COLGALT1: variants seen among roughly 807,000 people sequenced by gnomAD.
COLGALT1 encodes the protein collagen beta(1-O)galactosyltransferase 1.
Under a neutral mutation model 60.8 loss-of-function variants are expected in COLGALT1, and 43 were observed. The observed-to-expected ratio is 0.71, with a 90% CI of 0.55 to 0.91. The LOEUF is 0.91. Among genes scored for constraint, COLGALT1 ranks in the 40% least tolerant of loss-of-function variants. COLGALT1 has a pLI of 0.00. For missense variants in COLGALT1, 845 were observed against 880.0 expected, an observed-to-expected ratio of 0.96 and a Z score of 0.50; for synonymous variants, 369 against 374.2, an observed-to-expected ratio of 0.99 and a Z score of 0.16.
intron 6 of COLGALT1, among the ~76,000 whole-genome samples, chr19:17,573,619 G>C (rs1260626120): frequency 6.6e-6 from 1 of 151,992 alleles, no homozygotes; most frequent in Non-Finnish European, 1.5e-5. Context: ...AATCCTTTGA[G>C]CCCAGGAGTT....
In COLGALT1 at chr19:17,581,522, C is replaced by T. The variant is rs2076382781; in HGVS notation, c.*78C>T. 2 of 1,509,444 alleles carry T rather than the reference C, an allele frequency of 1.3e-6. No homozygotes were observed. Among genetic ancestry groups the T allele is most frequent in the Non-Finnish European group, 1.8e-6 (2 of 1,133,926 alleles). 93.5% of individuals were successfully genotyped at this position (1,509,444 alleles called of 1,614,324 possible). A position where few individuals can be genotyped will look rare whatever the true frequency, so the allele number is the denominator to read the frequency against. On this transcript the variant is annotated 3_prime_UTR_variant, in exon 12 of 12. Transcript: ENST00000252599. ...CTTACTGAGGACATCAGGTCCACCTCTGGACCCCTTGGCAGGCCACAGAGG... is the reference window on the plus strand; with the variant it reads ...CTTACTGAGGACATCAGGTCCACCTTTGGACCCCTTGGCAGGCCACAGAGG...
intron 5 of COLGALT1, among the ~76,000 whole-genome samples, chr19:17,572,075 G>T (rs1338564638): frequency 6.6e-6 from 1 of 152,064 alleles, no homozygotes; most frequent in East Asian, 1.9e-4. Flanking sequence ...ACTTCAGGAG[G>T]CCAAGACAGG....
intron 2 of COLGALT1, 48 bp downstream of exon 2, chr19:17,559,469 T>C: frequency 7.2e-7 from 1 of 1,392,050 alleles, no homozygotes; most frequent in South Asian, 1.2e-5. Flanking sequence ...TTGCCTCTGC[T>C]CACACACCCT....
In COLGALT1 at chr19:17,559,304, C is replaced by T. The variant is rs1260407222; in HGVS notation, c.261-7C>T. The T allele has an allele frequency of 1.9e-6, 3 of 1,550,244 alleles. No individual in the cohort carries two copies. Among genetic ancestry groups the T allele is most frequent in the African/African-American group, 2.7e-5 (2 of 73,142 alleles). On this transcript the variant is annotated splice_polypyrimidine_tract_variant and splice_region_variant and intron_variant, in intron 1 of 11. Coordinates refer to ENST00000252599, the MANE Select transcript of COLGALT1 (RefSeq NM_024656.4). ...CCAAGTACGCTGCCTGTCCCCTCTC[C>T]CTGCAGGGTGGCTACGGACCACAAC... is the stretch of plus-strand genomic sequence containing the variant.
At chr19:17,579,397 C>G in intron 9 of COLGALT1, 85 bp from the exon 10 acceptor site, 1 of 1,585,008 alleles carries the variant, frequency 6.3e-7, no homozygotes, top group Non-Finnish European at 8.6e-7. Flanking sequence ...ACGGGTCTTT[C>G]AAACCTTCTC....
intron 5 of COLGALT1, among the ~76,000 whole-genome samples, chr19:17,571,422 A>C (rs530179116): frequency 3.3e-5 from 5 of 151,626 alleles, no homozygotes; most frequent in Non-Finnish European, 7.4e-5. Flanking sequence ...AAAATAAATA[A>C]ATTAAATTAA....
chr19:17,576,871 T>C (rs2076345027), intron 6 of COLGALT1, among the ~76,000 whole-genome samples: 1 of 124,940 alleles, frequency 8.0e-6, no homozygotes. Flanking sequence ...AGGGTGAGGC[T>C]GGGACCTGGG....
intron 3 of COLGALT1, 143 bp from the exon 4 acceptor site, chr19:17,567,263 G>T (rs1031720301): frequency 4.7e-5 from 50 of 1,061,136 alleles, no homozygotes; most frequent in Middle Eastern, 2.3e-4. Flanking sequence ...CCCAAAACGG[G>T]GTCCCTGCTT....
In COLGALT1 at chr19:17,581,206, G is replaced by C; in HGVS notation, c.1631G>C (p.Arg544Pro). The change falls in exon 12 of 12, where the codon CGC becomes CCC. Residue 544 changes from arginine (R) to proline (P), a missense_variant. Transcript: ENST00000252599. ...VSEYKAHFSLRNLHAFSVEPL... is the reference protein window; with the variant it reads ...VSEYKAHFSLPNLHAFSVEPL... ...GAGTACAAGGCCCACTTCTCCCTCC[G>C]CAACCTGCATGCCTTCTCTGTGGAG... is the stretch of plus-strand genomic sequence containing the variant. 2 of 1,605,626 alleles carry C rather than the reference G, an allele frequency of 1.2e-6. No individual in the cohort carries two copies.
chr19:17,581,372 A>ACTGAGC lies in COLGALT1; in HGVS notation c.1799_1804dup (p.Leu600_Ser601dup). ...CCCAGAAGATGCGGGAGCAGCAGGCACTGAGCCGTGAGGCCAAGAACTCGG... is the reference window on the plus strand; with the variant it reads ...CCCAGAAGATGCGGGAGCAGCAGGCACTGAGCCTGAGCCGTGAGGCCAAGAACTCGG... On this transcript the variant is annotated inframe_insertion, in exon 12 of 12. Transcript: ENST00000252599. 1 of 1,613,146 alleles carries ACTGAGC rather than the reference A, an allele frequency of 6.2e-7. No homozygotes were observed. Among genetic ancestry groups the ACTGAGC allele is most frequent in the South Asian group, 1.1e-5 (1 of 91,070 alleles).
rs190826197 is a variant in COLGALT1, at chr19:17,572,631, G to A, written c.949+29G>A. 138 of 1,612,370 alleles carry A rather than the reference G, an allele frequency of 8.6e-5. No individual in the cohort carries two copies. The Admixed American group carries it at 2.1e-3, about 25-fold the overall frequency. On this transcript the variant is annotated intron_variant, in intron 6 of 11. Transcript: ENST00000252599. ...AGTCTGCCTGCACACCGCCCTGGGA[G>A]GTGCCAGGTTGCCTCCCTTTCACTG... is the stretch of plus-strand genomic sequence containing the variant.
intron 11 of COLGALT1, 48 bp from the exon 12 acceptor site, chr19:17,581,129 G>T: frequency 6.3e-7 from 1 of 1,582,422 alleles, no homozygotes; most frequent in Non-Finnish European, 8.6e-7. Flanking sequence ...CAGCTGTCCC[G>T]TCCCCTGAAG....
At position 17,582,613 on chromosome 19, in the gene COLGALT1, A is replaced by G. The variant is rs536736794; in HGVS notation, c.*1169A>G. 1 of 152,128 alleles carries G rather than the reference A, an allele frequency of 6.6e-6. No homozygotes were observed. The highest frequency in any genetic ancestry group is 6.5e-5 in the Admixed American group (1 of 15,274). 9.4% of individuals were successfully genotyped at this position (152,128 alleles called of 1,614,324 possible). Reference sequence around the variant, plus strand: ...CGGTTCCTTCACTTCTTCATGCCACAAGTGTTTATTGAGCACCTGTGTGCC... The same window carrying G: ...CGGTTCCTTCACTTCTTCATGCCACGAGTGTTTATTGAGCACCTGTGTGCC... On this transcript the variant is annotated 3_prime_UTR_variant, in exon 12 of 12. Coordinates refer to ENST00000252599, the MANE Select transcript of COLGALT1 (RefSeq NM_024656.4).
At chr19:17,559,510 C>T (rs2076236051) in intron 2 of COLGALT1, 89 bp downstream of exon 2, 3 of 1,011,362 alleles carry the variant, frequency 3.0e-6, no homozygotes, top group African/African-American at 1.6e-5. Context: ...AGAACAATTA[C>T]AGGCCCTCAG....
At chr19:17,570,812 G>A (rs753665437) in intron 5 of COLGALT1, among the ~76,000 whole-genome samples, 35 of 151,940 alleles carry the variant, frequency 2.3e-4, no homozygotes, top group Non-Finnish European at 4.1e-4. Flanking sequence ...TGATTCACCC[G>A]CCTCAGCCTC....
At chr19:17,567,592 G>T in intron 4 of COLGALT1, 52 bp downstream of exon 4, 5 of 1,574,144 alleles carry the variant, frequency 3.2e-6, no homozygotes, top group Non-Finnish European at 4.3e-6. Flanking sequence ...GGGGGGTGCC[G>T]TGGCTAGAGT....
At chr19:17,568,042 C>T (rs1215352363) in intron 4 of COLGALT1, among the ~76,000 whole-genome samples, 1 of 152,120 alleles carries the variant, frequency 6.6e-6, no homozygotes, top group African/African-American at 2.4e-5. Context: ...TTGATTGTCC[C>T]CCACCATGCT....
intron 1 of COLGALT1, among the ~76,000 whole-genome samples, chr19:17,557,898 A>T (rs2076222688): frequency 6.6e-6 from 1 of 151,366 alleles, no homozygotes; most frequent in Non-Finnish European, 1.5e-5. Context: ...CATTGCACCC[A>T]GCTGGTTTCT....
At chr19:17,575,784 C>T (rs2076337241) in intron 6 of COLGALT1, among the ~76,000 whole-genome samples, 1 of 152,112 alleles carries the variant, frequency 6.6e-6, no homozygotes, top group Non-Finnish European at 1.5e-5. Context: ...ATCCTTCTGC[C>T]TCAGCCTCCC....
Sources: gnomAD v4.1 joint callset for allele counts (sites outside exome capture counted in the v4.1 genomes callset) on GRCh38, gnomAD v4.1.1 for gene constraint, MANE v1.5 for transcripts, NCBI Gene and HGNC (gene_info 2026-07-23, HGNC 2026-07-21) for gene names.